DIAPH2: variants seen among roughly 807,000 people sequenced by gnomAD.
DIAPH2 encodes the protein protein diaphanous homolog 2.
DIAPH2 carries 35 observed loss-of-function variants against 92.7 expected under a neutral mutation model. That is an observed-to-expected ratio of 0.38 (90% confidence interval 0.29 to 0.50). The LOEUF is 0.50. Among genes scored for constraint, DIAPH2 ranks in the 20% least tolerant of loss-of-function variants. The pLI is 0.94. For missense variants in DIAPH2, 701 were observed against 819.5 expected (o/e 0.86, Z 1.77); for synonymous variants, 301 against 280.4 (o/e 1.07, Z -0.73).
At chrX:97,096,049 G>A in intron 19 of DIAPH2, among the ~76,000 whole-genome samples, 1 of 111,909 alleles carries the variant, frequency 8.9e-6, no homozygotes, top group South Asian at 3.8e-4. Flanking sequence ...GGTGGGGTTG[G>A]GGGACGGCGG....
chrX:97,371,392 G>GCTA (rs924740467), intron 24 of DIAPH2, among the ~76,000 whole-genome samples: 1 of 111,341 alleles, frequency 9.0e-6, no homozygotes, highest in Non-Finnish European at 1.9e-5. Flanking sequence ...CTGGGGACAA[G>GCTA]CTACACCTCC....
chrX:97,098,256 A>G (rs1235405050), intron 19 of DIAPH2, among the ~76,000 whole-genome samples: 1 of 111,989 alleles, frequency 8.9e-6, no homozygotes, highest in Non-Finnish European at 1.9e-5. Flanking sequence ...ATAAAGAAGC[A>G]TTCATTACAT....
chrX:97,212,250 A>G (rs937879666), intron 22 of DIAPH2, among the ~76,000 whole-genome samples: 13 of 112,162 alleles, frequency 1.2e-4, no homozygotes, highest in Admixed American at 2.8e-4. Flanking sequence ...GTGCAATAGC[A>G]ATAGGAGTAG....
intron 17 of DIAPH2, among the ~76,000 whole-genome samples, chrX:97,053,362 T>C (rs1217603481): frequency 8.9e-6 from 1 of 111,856 alleles, no homozygotes; most frequent in African/African-American, 3.2e-5. Flanking sequence ...ATATTCATCA[T>C]GTTCAGTTCT....
chrX:96,806,577 C>T (rs1211695873), intron 4 of DIAPH2, among the ~76,000 whole-genome samples: 47 of 84,983 alleles, frequency 5.5e-4, no homozygotes, highest in African/African-American at 2.0e-3. Flanking sequence ...ACCTGGGAGG[C>T]GGAGGTTGCA....
chrX:97,114,022 G>C (rs2067000764), intron 20 of DIAPH2, among the ~76,000 whole-genome samples: 1 of 111,523 alleles, frequency 9.0e-6, no homozygotes, highest in Non-Finnish European at 1.9e-5. Flanking sequence ...GTGCACCAGT[G>C]CTATGAAACA....
intron 26 of DIAPH2, among the ~76,000 whole-genome samples, chrX:97,486,924 C>T (rs1298764447): frequency 8.9e-6 from 1 of 112,077 alleles, no homozygotes; most frequent in East Asian, 2.8e-4. Context: ...ACTCCCCACT[C>T]CTCCTTCTCC....
At chrX:96,942,322 T>TA (rs764965970) in intron 13 of DIAPH2, among the ~76,000 whole-genome samples, 186 bp downstream of exon 13, 1 of 111,007 alleles carries the variant, frequency 9.0e-6, no homozygotes, top group East Asian at 2.8e-4. Flanking sequence ...TCATGAGAGT[T>TA]CTGCCTGTGT....
intron 22 of DIAPH2, among the ~76,000 whole-genome samples, chrX:97,237,882 G>A (rs1177894731): frequency 8.9e-6 from 1 of 112,177 alleles, no homozygotes; most frequent in Non-Finnish European, 1.9e-5. Flanking sequence ...CGCCCGGCCC[G>A]CAAAAAAAGA....
chrX:97,523,048 C>T (rs2071001984), intron 26 of DIAPH2, among the ~76,000 whole-genome samples: 1 of 112,289 alleles, frequency 8.9e-6, no homozygotes, highest in Non-Finnish European at 1.9e-5. Flanking sequence ...AGAAGGGGAG[C>T]TAGCTGAGTC....
intron 26 of DIAPH2, among the ~76,000 whole-genome samples, chrX:97,586,276 T>C (rs1391179343): frequency 8.9e-6 from 1 of 112,195 alleles, no homozygotes; most frequent in East Asian, 2.8e-4. Context: ...CTTTTTCTCC[T>C]ATATATTCTT....
intron 26 of DIAPH2, among the ~76,000 whole-genome samples, chrX:97,492,683 A>AT (rs754307589): frequency 1.1e-4 from 12 of 109,321 alleles, no homozygotes; most frequent in Non-Finnish European, 2.3e-4. Flanking sequence ...CTTGATTGGC[A>AT]TTTTTTTTTC....
At chrX:97,026,025 T>C (rs1398281196) in intron 17 of DIAPH2, among the ~76,000 whole-genome samples, 2 of 112,067 alleles carry the variant, frequency 1.8e-5, no homozygotes, top group Non-Finnish European at 3.8e-5. Flanking sequence ...TGCTCTTGCC[T>C]GAAAACTTTA....
intron 4 of DIAPH2, among the ~76,000 whole-genome samples, chrX:96,830,649 G>A (rs1282649073): frequency 9.6e-6 from 1 of 104,466 alleles, no homozygotes; most frequent in Non-Finnish European, 2.0e-5. Context: ...TGAAAAGGTA[G>A]TTCATAGCTA....
chrX:96,849,683 A>T (rs1032567817), intron 4 of DIAPH2, among the ~76,000 whole-genome samples: 1 of 112,259 alleles, frequency 8.9e-6, no homozygotes, highest in African/African-American at 3.2e-5. Flanking sequence ...TGTCAGGAGT[A>T]GAATATACTG....
intron 26 of DIAPH2, among the ~76,000 whole-genome samples, chrX:97,491,530 C>T (rs2070725510): frequency 9.0e-6 from 1 of 111,008 alleles, no homozygotes; most frequent in African/African-American, 3.3e-5. Context: ...CCTGTCTCAG[C>T]CTCCCAAGTA....
intron 26 of DIAPH2, among the ~76,000 whole-genome samples, chrX:97,593,565 C>G (rs754335922): frequency 2.7e-5 from 3 of 110,237 alleles, no homozygotes; most frequent in African/African-American, 9.8e-5. Flanking sequence ...GAAGGACTTT[C>G]TAAGCTTAAA....
intron 5 of DIAPH2, chrX:96,885,436 G>C: frequency 1.1e-5 from 1 of 92,570 alleles, no homozygotes; most frequent in Non-Finnish European, 2.1e-5. Context: ...CAGTCAGGGA[G>C]CCAGCGAAAA....
At chrX:97,162,041 T>G (rs2067378009) in intron 22 of DIAPH2, among the ~76,000 whole-genome samples, 1 of 111,644 alleles carries the variant, frequency 9.0e-6, no homozygotes, top group South Asian at 3.8e-4. Context: ...TTGCTTTTTA[T>G]ATGACTTCTT....
Sources: gnomAD v4.1 joint callset for allele counts (sites outside exome capture counted in the v4.1 genomes callset) on GRCh38, gnomAD v4.1.1 for gene constraint, MANE v1.5 for transcripts, NCBI Gene and HGNC (gene_info 2026-07-23, HGNC 2026-07-21) for gene names.